Variants in DNAJB9 observed in about 807,000 individuals in gnomAD.
DNAJB9 encodes the protein dnaJ homolog subfamily B member 9.
A neutral mutation model predicts 19.2 loss-of-function variants in DNAJB9; 12 were observed. The ratio of observed to expected loss-of-function variants is 0.62; its 90% CI spans 0.40 to 1.01. The LOEUF is 1.01. Ranked by LOEUF, DNAJB9 falls within the 50% of genes least tolerant of loss-of-function variation. The pLI, the probability that DNAJB9 is intolerant of heterozygous loss-of-function variation, is 0.00. For missense variants in DNAJB9, 272 were observed against 261.1 expected (o/e 1.04, Z -0.29); for synonymous variants, 83 against 84.0 (o/e 0.99, Z 0.07).
chr7:108,570,432 A>T (rs934454099), intron 1 of DNAJB9, among the ~76,000 whole-genome samples: 1 of 152,104 alleles, frequency 6.6e-6, no homozygotes, highest in Non-Finnish European at 1.5e-5. Flanking sequence ...AGGCTGGGGA[A>T]TAAGGCACGG....
rs1447457938 is a variant in DNAJB9, at chr7:108,570,977, T to A, written c.-10-740T>A. 2.6e-5 allele frequency among the ~76,000 whole-genome samples: 4 copies of A among 152,360 alleles called. No homozygotes were observed. In the East Asian group the frequency reaches 7.7e-4, roughly 29 times the overall value. ...AGAAATATTTTAACTACTGAGTTTG[T>A]GAAAGTAAGAATCTGCCTTAACCAC... On this transcript the variant is annotated intron_variant, in intron 1 of 2. Transcript: ENST00000249356.
Position 108,574,756 on chromosome 7 carries a change from A to C in DNAJB9, c.*1403A>C, listed in dbSNP as rs1790676044. ...ATCATCTTTAATTTGAAACTTAAGA[A>C]AATGAATTTATTCTGTTATATTTAT... On this transcript the variant is annotated 3_prime_UTR_variant, in exon 3 of 3. Coordinates refer to ENST00000249356, the MANE Select transcript of DNAJB9 (RefSeq NM_012328.3). 2 of 152,252 alleles carry C rather than the reference A, an allele frequency of 1.3e-5. No individual in the cohort carries two copies. Among genetic ancestry groups the C allele is most frequent in the African/African-American group, 4.8e-5 (2 of 41,464 alleles). 9.4% of individuals were successfully genotyped at this position (152,252 alleles called of 1,614,324 possible).
intron 2 of DNAJB9, among the ~76,000 whole-genome samples, chr7:108,572,618 CAT>C (rs1204952334): frequency 6.6e-6 from 1 of 152,156 alleles, no homozygotes; most frequent in African/African-American, 2.4e-5. Context: ...TTGTTGCCCA[CAT>C]GTTTATTTGT....
rs566556626 is a variant in DNAJB9 at position 108,570,810 on chromosome 7, T to TTA, written c.-11+709_-11+710dup. On this transcript the variant is annotated intron_variant, in intron 1 of 2. Transcript: ENST00000249356. The stretch of plus-strand genomic sequence containing the variant: ...ACCGTAGTGTTTTTCGTCAGCCTTA[T>TTA]TATGGCATTATAGGTTACTAAGGAC... Among the ~76,000 whole-genome samples, 24 of 152,318 alleles carry TTA rather than the reference T, an allele frequency of 1.6e-4. No individual in the cohort carries two copies. The South Asian group carries it at 5.0e-3, about 32-fold the overall frequency.
chr7:108,572,059 G>A, intron 2 of DNAJB9, 116 bp downstream of exon 2: 1 of 895,760 alleles, frequency 1.1e-6, no homozygotes, highest in East Asian at 2.6e-5. Flanking sequence ...TGGGATTTAT[G>A]TATAAATATT....
Position 108,573,148 on chromosome 7 carries a change from T to C in DNAJB9, c.467T>C (p.Phe156Ser). 1 of 1,614,048 alleles carries C rather than the reference T, an allele frequency of 6.2e-7. No homozygotes were observed. The change falls in exon 3 of 3, where the codon TTC becomes TCC. Residue 156 changes from phenylalanine to serine, a missense_variant. Coordinates refer to ENST00000249356, the MANE Select transcript of DNAJB9 (RefSeq NM_012328.3). ...GGTTCCAGTAGACAAAGGCATCATTTCCAAGAATTTTCTTTTGGAGGTGGA... is the reference window on the plus strand; with the variant it reads ...GGTTCCAGTAGACAAAGGCATCATTCCCAAGAATTTTCTTTTGGAGGTGGA... The part of the protein sequence containing the change: ...DGGSSRQRHH[F>S]QEFSFGGGLF...
intron 1 of DNAJB9, among the ~76,000 whole-genome samples, chr7:108,571,033 C>T (rs764789299): frequency 6.6e-6 from 1 of 152,208 alleles, no homozygotes; most frequent in Non-Finnish European, 1.5e-5. Flanking sequence ...ATTTTTCTGG[C>T]AGCTTTAGCA....
rs1049615597 is a variant in DNAJB9, at chr7:108,573,493, G to C, written c.*140G>C. 3 of 532,554 alleles carry C rather than the reference G, an allele frequency of 5.6e-6. No individual in the cohort carries two copies. The highest frequency in any genetic ancestry group is 4.4e-4 in the Middle Eastern group (1 of 2,262). 33.0% of individuals were successfully genotyped at this position (532,554 alleles called of 1,614,324 possible). On this transcript the variant is annotated 3_prime_UTR_variant, in exon 3 of 3. Coordinates refer to ENST00000249356, the MANE Select transcript of DNAJB9 (RefSeq NM_012328.3). ...GATATAGCTATTAAATATATTTAAG[G>C]GTTTTTTTTTTTTGACAAATTCAAC...
At chr7:108,572,873 A>G in intron 2 of DNAJB9, 26 bp from the exon 3 acceptor site, 2 of 1,550,424 alleles carry the variant, frequency 1.3e-6, no homozygotes, top group Non-Finnish European at 1.8e-6. Flanking sequence ...ACCTTCAGTT[A>G]CTAAAAATAT....
chr7:108,572,580 G>A (rs932234286), intron 2 of DNAJB9, among the ~76,000 whole-genome samples: 7 of 152,072 alleles, frequency 4.6e-5, no homozygotes, highest in Non-Finnish European at 8.8e-5. Flanking sequence ...GATTTCACAC[G>A]AATAATATGA....
Position 108,573,443 on chromosome 7 carries a change from T to C in DNAJB9, c.*90T>C. On this transcript the variant is annotated 3_prime_UTR_variant, in exon 3 of 3. Coordinates refer to ENST00000249356, the MANE Select transcript of DNAJB9 (RefSeq NM_012328.3). The stretch of plus-strand genomic sequence containing the variant: ...ATTTTCTGTGAACTATTTTGACAAG[T>C]GCATGATTTCACTTTAAACAATTTG... 1 of 997,146 alleles carries C rather than the reference T, an allele frequency of 1.0e-6. No individual in the cohort carries two copies. Among genetic ancestry groups the C allele is most frequent in the Non-Finnish European group, 1.4e-6 (1 of 726,458 alleles). 61.8% of individuals were successfully genotyped at this position (997,146 alleles called of 1,614,324 possible). A position where few individuals can be genotyped will look rare whatever the true frequency, so the allele number is the denominator to read the frequency against.
chr7:108,572,134 A>C, intron 2 of DNAJB9, 191 bp downstream of exon 2: 1 of 524,882 alleles, frequency 1.9e-6, no homozygotes, highest in South Asian at 3.0e-5. Context: ...TATATGAAAG[A>C]ATAATAGATA....
rs1790646817 is a variant in DNAJB9, at chr7:108,573,194, A to G, written c.513A>G (p.Glu171=). Residue 171 remains glutamate (E), a synonymous_variant, in exon 3 of 3, where the codon GAA becomes GAG. Transcript: ENST00000249356. The part of the protein sequence containing the change: ...FGGGLFDDMF[E]DMEKMFSFSG... ...GTGGATTATTTGATGACATGTTTGA[A>G]GATATGGAGAAAATGTTTTCTTTTA... The G allele has an allele frequency of 1.2e-6, 2 of 1,613,898 alleles. No homozygotes were observed. The highest frequency in any genetic ancestry group is 1.3e-5 in the African/African-American group (1 of 74,920).
Position 108,572,847 on chromosome 7 carries a change from T to C in DNAJB9, c.218-52T>C, listed in dbSNP as rs1214529086. 7 of 1,422,594 alleles carry C rather than the reference T, an allele frequency of 4.9e-6. No homozygotes were observed. The African/African-American group carries it at 8.7e-5, about 18-fold the overall frequency. 88.1% of individuals were successfully genotyped at this position (1,422,594 alleles called of 1,614,324 possible). A position where few individuals can be genotyped will look rare whatever the true frequency, so the allele number is the denominator to read the frequency against. On this transcript the variant is annotated intron_variant, in intron 2 of 2. Coordinates refer to ENST00000249356, the MANE Select transcript of DNAJB9 (RefSeq NM_012328.3). ...TTGCTTGAAGAGATTTGAATATATGTAATTTTGAATATTTTACCTTCAGTT... is the reference window on the plus strand; with the variant it reads ...TTGCTTGAAGAGATTTGAATATATGCAATTTTGAATATTTTACCTTCAGTT...
chr7:108,572,173 T>C, intron 2 of DNAJB9: 1 of 388,152 alleles, frequency 2.6e-6, no homozygotes, highest in Non-Finnish European at 4.6e-6. Context: ...TCTAAAAATA[T>C]TGAAAATCTA....
chr7:108,570,653 C>T (rs767825381), intron 1 of DNAJB9, among the ~76,000 whole-genome samples: 1 of 152,158 alleles, frequency 6.6e-6, no homozygotes, highest in Non-Finnish European at 1.5e-5. Flanking sequence ...TGTTGTGTTC[C>T]TTAAACCGAG....
At chr7:108,572,506 G>A (rs866033592) in intron 2 of DNAJB9, among the ~76,000 whole-genome samples, 2 of 152,112 alleles carry the variant, frequency 1.3e-5, no homozygotes, top group East Asian at 1.9e-4. Flanking sequence ...TAGTAAGGAG[G>A]TGCAAAATCT....
Position 108,573,732 on chromosome 7 carries a change from C to G in DNAJB9, c.*379C>G, listed in dbSNP as rs773461640. ...GAACCTAATGATTTTTGCAGTGAAA[C>G]CTTTACTAATTCAAAGTTGCATGTT... On this transcript the variant is annotated 3_prime_UTR_variant, in exon 3 of 3. Transcript: ENST00000249356. 6.2e-6 allele frequency: 1 copy of G among 160,254 alleles called. No homozygotes were observed. The highest frequency in any genetic ancestry group is 6.3e-5 in the Admixed American group (1 of 15,862). The allele number at this position is 160,254 out of a possible 1,614,324, so 9.9% of individuals were successfully genotyped here. A position where few individuals can be genotyped will look rare whatever the true frequency, so the allele number is the denominator to read the frequency against.
chr7:108,574,641 T>C lies in DNAJB9; in HGVS notation c.*1288T>C, dbSNP rs1391641431. 1.3e-5 allele frequency: 2 copies of C among 152,218 alleles called. No homozygotes were observed. The highest frequency in any genetic ancestry group is 4.8e-5 in the African/African-American group (2 of 41,454). The allele number at this position is 152,218 out of a possible 1,614,324, so 9.4% of individuals were successfully genotyped here. On this transcript the variant is annotated 3_prime_UTR_variant, in exon 3 of 3. Coordinates refer to ENST00000249356, the MANE Select transcript of DNAJB9 (RefSeq NM_012328.3). ...TAATTATAATTTTGTTGTATTTGTT[T>C]CCTAGGAGCAAGTGTTCCTGCTGCC...
Sources: gnomAD v4.1 joint callset for allele counts (sites outside exome capture counted in the v4.1 genomes callset) on GRCh38, gnomAD v4.1.1 for gene constraint, MANE v1.5 for transcripts, NCBI Gene and HGNC (gene_info 2026-07-23, HGNC 2026-07-21) for gene names.